The following WDR59 variants were observed in gnomAD, a reference collection of about 807,000 sequenced individuals.
WDR59 encodes WD repeat domain 59.
WDR59 carries 100 observed loss-of-function variants against 131.2 expected under a neutral mutation model. The ratio of observed to expected loss-of-function variants is 0.76; its 90% CI spans 0.65 to 0.90. WDR59 has a LOEUF of 0.90. Among genes scored for constraint, WDR59 ranks in the 40% least tolerant of loss-of-function variants. The pLI, the probability that WDR59 is intolerant of heterozygous loss-of-function variation, is 0.00. For missense variants in WDR59, 1,203 were observed against 1,262.2 expected, an observed-to-expected ratio of 0.95 and a Z score of 0.71; for synonymous variants, 601 against 466.2, an observed-to-expected ratio of 1.29 and a Z score of -3.72.
intron 2 of WDR59, among the ~76,000 whole-genome samples, chr16:74,963,457 G>T (rs972199653): frequency 6.6e-6 from 1 of 152,268 alleles, no homozygotes; most frequent in Middle Eastern, 3.4e-3. Flanking sequence ...GATGGAGCTG[G>T]AAGCCATTAT....
At chr16:74,914,368 T>A (rs1047345987) in intron 13 of WDR59, among the ~76,000 whole-genome samples, 3 of 152,218 alleles carry the variant, frequency 2.0e-5, no homozygotes, top group East Asian at 3.8e-4. Context: ...TGACTTGATA[T>A]AGATCACTAA....
rs756422190 is a variant in WDR59 at position 74,893,653 on chromosome 16, C to T, written c.2000+26G>A. 3.1e-6 allele frequency: 5 copies of T among 1,610,654 alleles called. No homozygotes were observed. In the Admixed American group the frequency reaches 5.0e-5, roughly 16 times the overall value. ...GCTAATCCTGGCTAAATGATGAGTG[C>T]AGCAGACTTGAAATTTTGTACTTAC... On this transcript the variant is annotated intron_variant, in intron 19 of 25. Transcript: ENST00000262144.
chr16:74,975,612 C>T (rs550389437), intron 1 of WDR59, among the ~76,000 whole-genome samples: 6 of 149,722 alleles, frequency 4.0e-5, no homozygotes, highest in African/African-American at 7.4e-5. Context: ...TGCACTGAGC[C>T]GAGATCATGC....
chr16:74,931,170 T>A (rs1012072024), intron 8 of WDR59, among the ~76,000 whole-genome samples: 3 of 152,088 alleles, frequency 2.0e-5, no homozygotes, highest in African/African-American at 7.2e-5. Context: ...TATTTTCTCA[T>A]GGAAAGCTTA....
intron 13 of WDR59, among the ~76,000 whole-genome samples, chr16:74,914,153 A>T (rs577679198): frequency 3.3e-5 from 5 of 152,236 alleles, no homozygotes; most frequent in Non-Finnish European, 5.9e-5. Flanking sequence ...CAGAGCCTGC[A>T]GTGAGTCACG....
At position 74,904,333 on chromosome 16, in the gene WDR59, T is replaced by C. The variant is rs549836921; in HGVS notation, c.1713-233A>G. 807 of 465,408 alleles carry C rather than the reference T, an allele frequency of 1.7e-3. 6 individuals are homozygous for C. The highest frequency in any genetic ancestry group is 2.4e-3 in the Non-Finnish European group (617 of 261,276). 28.8% of individuals were successfully genotyped at this position (465,408 alleles called of 1,614,324 possible). A position where few individuals can be genotyped will look rare whatever the true frequency, so the allele number is the denominator to read the frequency against. On this transcript the variant is annotated intron_variant, in intron 17 of 25. Coordinates refer to ENST00000262144, the MANE Select transcript of WDR59 (RefSeq NM_030581.4). ...CAAAGGAATCTACAAACTACTAGAATAAGTGAATTTGAATACAAGGTCAAC... is the reference window on the plus strand; with the variant it reads ...CAAAGGAATCTACAAACTACTAGAACAAGTGAATTTGAATACAAGGTCAAC...
intron 13 of WDR59, 93 bp downstream of exon 13, chr16:74,915,777 A>T: frequency 6.4e-7 from 1 of 1,566,156 alleles, no homozygotes; most frequent in African/African-American, 1.4e-5. Context: ...AAAGCTGCAA[A>T]GCTATTTGCT....
intron 17 of WDR59, among the ~76,000 whole-genome samples, chr16:74,908,210 G>A (rs1468114453): frequency 6.6e-6 from 1 of 152,020 alleles, no homozygotes; most frequent in Non-Finnish European, 1.5e-5. Context: ...TTGAGCTCAG[G>A]AGTTTGAGAC....
intron 25 of WDR59, among the ~76,000 whole-genome samples, chr16:74,877,464 T>A (rs1191917520): frequency 6.6e-6 from 1 of 152,212 alleles, no homozygotes; most frequent in African/African-American, 2.4e-5. Context: ...TGCTTTTGAA[T>A]CACATTAAAC....
At chr16:74,942,596 T>G in intron 7 of WDR59, 142 bp downstream of exon 7, 1 of 714,580 alleles carries the variant, frequency 1.4e-6, no homozygotes, top group Non-Finnish European at 2.4e-6. Flanking sequence ...TATCGTCTGG[T>G]ACTATGAGCT....
At chr16:74,941,681 G>C (rs376507574) in intron 7 of WDR59, among the ~76,000 whole-genome samples, 46 of 139,684 alleles carry the variant, frequency 3.3e-4, no homozygotes, top group African/African-American at 9.5e-4. Flanking sequence ...GACAGAATGA[G>C]ACTCTGTCTC....
intron 1 of WDR59, among the ~76,000 whole-genome samples, chr16:74,977,742 C>T (rs1425973782): frequency 6.6e-6 from 1 of 152,128 alleles, no homozygotes; most frequent in Admixed American, 6.6e-5. Flanking sequence ...TACTTATCTA[C>T]TTATAGCAGC....
chr16:74,972,203 T>C (rs1298408749), intron 1 of WDR59, among the ~76,000 whole-genome samples: 2 of 152,240 alleles, frequency 1.3e-5, no homozygotes, highest in Admixed American at 6.5e-5. Flanking sequence ...ACATGCCCTT[T>C]ATGAAATGAG....
In WDR59 at chr16:74,985,009, C is replaced by T. The variant is rs956780170; in HGVS notation, c.9G>A (p.Ala3=). MA[A]RWSSENVVVE... ...CAACCACGTTTTCGCTGCTCCATCG[C>T]GCCGCCATCTCCCCCGCCCGGCCGC... Residue 3 remains alanine, a synonymous_variant, in exon 1 of 26, where the codon GCG becomes GCA. Coordinates refer to ENST00000262144, the MANE Select transcript of WDR59 (RefSeq NM_030581.4). 3.2e-6 allele frequency: 5 copies of T among 1,585,198 alleles called. No individual in the cohort carries two copies. In the African/African-American group the frequency reaches 4.0e-5, roughly 13 times the overall value.
chr16:74,927,245 A>G (rs186370041), intron 8 of WDR59, among the ~76,000 whole-genome samples: 8 of 152,314 alleles, frequency 5.3e-5, no homozygotes, highest in African/African-American at 1.7e-4. Flanking sequence ...TTGATTCACT[A>G]TGAAGACTAA....
At chr16:74,885,882 A>C in intron 24 of WDR59, 87 bp from the exon 25 acceptor site, 1 of 1,510,142 alleles carries the variant, frequency 6.6e-7, no homozygotes, top group Non-Finnish European at 8.9e-7. Context: ...CCCTTCTTAA[A>C]GCAACAGTCC....
chr16:74,917,928 C>A lies in WDR59; in HGVS notation c.966+1G>T, dbSNP rs754940158. ...TCTCCACAATAGCACTGCATACATA[C>A]CCTCTGCATCTGGGAATCCACCCGC... is the stretch of plus-strand genomic sequence containing the variant. On this transcript the variant is annotated splice_donor_variant, in intron 11 of 25. Transcript: ENST00000262144. LOFTEE classifies it high-confidence loss of function. 1 of 1,612,360 alleles carries A rather than the reference C, an allele frequency of 6.2e-7. No homozygotes were observed.
At chr16:74,955,488 CA>C (rs1414759619) in intron 3 of WDR59, among the ~76,000 whole-genome samples, 4 of 152,148 alleles carry the variant, frequency 2.6e-5, no homozygotes, top group Non-Finnish European at 5.9e-5. Flanking sequence ...CTCCTTCTAG[CA>C]CTCAGGAAAG....
At chr16:74,937,168 G>T (rs182706462) in intron 8 of WDR59, among the ~76,000 whole-genome samples, 2 of 152,190 alleles carry the variant, frequency 1.3e-5, no homozygotes, top group East Asian at 3.9e-4. Context: ...TCTGACCAAG[G>T]GTGAACATCC....
Sources: gnomAD v4.1 joint callset for allele counts (sites outside exome capture counted in the v4.1 genomes callset) on GRCh38, gnomAD v4.1.1 for gene constraint, MANE v1.5 for transcripts, NCBI Gene and HGNC (gene_info 2026-07-23, HGNC 2026-07-21) for gene names.